MID2: variants seen among roughly 807,000 people sequenced by gnomAD.
MID2 encodes the protein midline 2.
Under a neutral mutation model 46.1 loss-of-function variants are expected in MID2, and 13 were observed. The ratio of observed to expected loss-of-function variants is 0.28; its 90% CI spans 0.18 to 0.45. The LOEUF is 0.45. Among genes scored for constraint, MID2 ranks in the 20% least tolerant of loss-of-function variants. The pLI is 1.00. For missense variants in MID2, 431 were observed against 575.4 expected (o/e 0.75, Z 2.57); for synonymous variants, 199 against 212.3 (o/e 0.94, Z 0.55).
At chrX:107,889,824 T>C (rs1425085995) in intron 3 of MID2, among the ~76,000 whole-genome samples, 1 of 111,917 alleles carries the variant, frequency 8.9e-6, no homozygotes, top group African/African-American at 3.3e-5. Flanking sequence ...TTTCTTTTTT[T>C]TCTTTTTTCT....
intron 3 of MID2, among the ~76,000 whole-genome samples, chrX:107,890,760 C>A (rs1932581114): frequency 8.9e-6 from 1 of 111,853 alleles, no homozygotes; most frequent in Admixed American, 9.5e-5. Flanking sequence ...CTGCGGTGGG[C>A]TCCACCCAGT....
chrX:107,918,598 A>G (rs1038313051), intron 7 of MID2, among the ~76,000 whole-genome samples: 1 of 111,512 alleles, frequency 9.0e-6, no homozygotes, highest in African/African-American at 3.3e-5. Context: ...GTTTTGTAAC[A>G]AGGTGGGGTG....
At chrX:107,889,682 A>T (rs1156306359) in intron 3 of MID2, among the ~76,000 whole-genome samples, 2 of 111,278 alleles carry the variant, frequency 1.8e-5, no homozygotes, top group African/African-American at 6.6e-5. Context: ...TGGATTGGGG[A>T]ATTTCTCCTG....
intron 5 of MID2, among the ~76,000 whole-genome samples, chrX:107,908,274 A>AT (rs1055100100): frequency 8.9e-6 from 1 of 112,033 alleles, no homozygotes; most frequent in Non-Finnish European, 1.9e-5. Flanking sequence ...TTCTACAAAT[A>AT]TTTTTATGCC....
intron 7 of MID2, among the ~76,000 whole-genome samples, chrX:107,920,892 A>G (rs1304030540): frequency 8.9e-6 from 1 of 111,787 alleles, no homozygotes; most frequent in African/African-American, 3.2e-5. Context: ...TGCATACATC[A>G]TGGTCTTTCA....
At chrX:107,863,231 A>G (rs1483437726) in intron 3 of MID2, among the ~76,000 whole-genome samples, 1 of 112,209 alleles carries the variant, frequency 8.9e-6, no homozygotes, top group Non-Finnish European at 1.9e-5. Flanking sequence ...TTTTGAAGAC[A>G]TTAAATGTTG....
chrX:107,851,720 G>A (rs1469032008), intron 2 of MID2, among the ~76,000 whole-genome samples: 1 of 110,797 alleles, frequency 9.0e-6, no homozygotes, highest in Non-Finnish European at 1.9e-5. Context: ...CCTTATCTAG[G>A]CACTTAAGAC....
chrX:107,889,467 G>A (rs1411612035), intron 3 of MID2, among the ~76,000 whole-genome samples: 1 of 111,903 alleles, frequency 8.9e-6, no homozygotes, highest in Admixed American at 9.5e-5. Context: ...CTTCTGGCTT[G>A]TAGAGTTTCT....
chrX:107,896,358 C>T (rs918662293), intron 3 of MID2: 3 of 111,409 alleles, frequency 2.7e-5, no homozygotes, highest in African/African-American at 6.5e-5. Context: ...AGCAAGACTC[C>T]GTCTAAAAAA....
At chrX:107,881,653 A>G (rs1932321342) in intron 3 of MID2, among the ~76,000 whole-genome samples, 1 of 112,414 alleles carries the variant, frequency 8.9e-6, no homozygotes, top group African/African-American at 3.2e-5. Context: ...TATAGTACCA[A>G]TGAGGTCTTC....
intron 5 of MID2, among the ~76,000 whole-genome samples, chrX:107,908,715 G>A (rs114048258): frequency 0.022 from 1,806 of 82,573 alleles, 44 homozygotes; most frequent in African/African-American, 0.096. Context: ...AAAAAAAAAA[G>A]CCTGCATCTG....
chrX:107,867,158 T>A (rs1327360070), intron 3 of MID2, among the ~76,000 whole-genome samples: 1 of 111,915 alleles, frequency 8.9e-6, no homozygotes, highest in Non-Finnish European at 1.9e-5. Flanking sequence ...TGTTTTTGTT[T>A]TGTTTTGTTT....
At chrX:107,845,907 A>G (rs1931462442) in intron 2 of MID2, among the ~76,000 whole-genome samples, 1 of 111,987 alleles carries the variant, frequency 8.9e-6, no homozygotes, top group Non-Finnish European at 1.9e-5. Context: ...AGTGAAGTAT[A>G]TTTATGAGAG....
intron 3 of MID2, among the ~76,000 whole-genome samples, chrX:107,886,119 T>G (rs201321794): frequency 0.073 from 8,155 of 111,234 alleles, 279 homozygotes; most frequent in East Asian, 0.16. Flanking sequence ...AGAAGCTCTT[T>G]AGTTTAATTA....
chrX:107,909,790 G>A (rs1217961205), intron 5 of MID2, among the ~76,000 whole-genome samples: 6 of 112,465 alleles, frequency 5.3e-5, no homozygotes, highest in African/African-American at 1.6e-4. Context: ...TTCCATTATT[G>A]TGTTGAGACG....
At chrX:107,865,470 G>T (rs1414057856) in intron 3 of MID2, among the ~76,000 whole-genome samples, 1 of 112,002 alleles carries the variant, frequency 8.9e-6, no homozygotes, top group African/African-American at 3.2e-5. Flanking sequence ...TGTGTAAAGA[G>T]GATATATGTG....
chrX:107,906,734 C>A (rs1932838883), intron 5 of MID2, among the ~76,000 whole-genome samples: 1 of 111,380 alleles, frequency 9.0e-6, no homozygotes, highest in Non-Finnish European at 1.9e-5. Flanking sequence ...TATAGGCATG[C>A]ACCACCATGC....
chrX:107,862,976 A>G (rs1464093622), intron 3 of MID2, among the ~76,000 whole-genome samples: 1 of 112,010 alleles, frequency 8.9e-6, no homozygotes, highest in East Asian at 2.8e-4. Flanking sequence ...GATCCAGTCA[A>G]TCTATTCATT....
chrX:107,916,433 G>A (rs1260214495), intron 6 of MID2, among the ~76,000 whole-genome samples: 1 of 112,021 alleles, frequency 8.9e-6, no homozygotes, highest in Non-Finnish European at 1.9e-5. Context: ...TGCTAGTTAT[G>A]AGAGTAGAAC....
Sources: gnomAD v4.1 joint callset for allele counts (sites outside exome capture counted in the v4.1 genomes callset) on GRCh38, gnomAD v4.1.1 for gene constraint, MANE v1.5 for transcripts, NCBI Gene and HGNC (gene_info 2026-07-23, HGNC 2026-07-21) for gene names.